The following EBF2 variants were observed in gnomAD, a reference collection of about 807,000 sequenced individuals.
EBF2 encodes the protein EBF transcription factor 2.
In EBF2, 21 loss-of-function variants were observed where a neutral mutation model predicts 72.8. That is an observed-to-expected ratio of 0.29 (90% CI 0.20 to 0.42). The LOEUF is 0.42. Among genes scored for constraint, EBF2 ranks in the 10% least tolerant of loss-of-function variants. EBF2 has a pLI of 1.00. For missense variants in EBF2, 637 were observed against 731.2 expected (o/e 0.87, Z 1.49); for synonymous variants, 299 against 274.2 (o/e 1.09, Z -0.89).
In EBF2 at chr8:25,957,549, C is replaced by T. The variant is rs542258339; in HGVS notation, c.552-48994G>A. Among the ~76,000 whole-genome samples the T allele has an allele frequency of 6.6e-4, 100 of 152,272 alleles. No individual in the cohort carries two copies. The South Asian group carries it at 0.02, about 31-fold the overall frequency. ...ATGGGTCCCTTGAGTTATTTAACTA[C>T]ATCCAAGGCTGGACAAGAAATAGAG... is the stretch of plus-strand genomic sequence containing the variant. On this transcript the variant is annotated intron_variant, in intron 6 of 15. Coordinates refer to ENST00000520164, the MANE Select transcript of EBF2 (RefSeq NM_022659.4).
intron 6 of EBF2, among the ~76,000 whole-genome samples, chr8:25,984,369 G>T (rs542512533): frequency 6.7e-6 from 1 of 148,276 alleles, no homozygotes; most frequent in African/African-American, 2.7e-5. Context: ...AAGGCACAGA[G>T]CCTGAAAAAA....
intron 5 of EBF2, among the ~76,000 whole-genome samples, chr8:26,034,855 A>T (rs534489258): frequency 9.8e-5 from 15 of 152,346 alleles, no homozygotes; most frequent in African/African-American, 3.6e-4. Flanking sequence ...TAAGTTTGAC[A>T]TGATACCTTA....
intron 6 of EBF2, among the ~76,000 whole-genome samples, chr8:26,017,933 T>C (rs909011935): frequency 6.6e-6 from 1 of 152,148 alleles, no homozygotes; most frequent in Non-Finnish European, 1.5e-5. Context: ...ATGCATGCAC[T>C]TGGCGCAGCC....
chr8:26,042,286 C>A, intron 1 of EBF2, 35 bp from the exon 2 acceptor site: 1 of 1,588,760 alleles, frequency 6.3e-7, no homozygotes, highest in Non-Finnish European at 8.6e-7. Context: ...ACACAAGACA[C>A]GGGGAAGCAC....
intron 6 of EBF2, among the ~76,000 whole-genome samples, chr8:26,004,208 A>G (rs62499122): frequency 0.23 from 34,676 of 152,106 alleles, 4,380 homozygotes; most frequent in Non-Finnish European, 0.28. Flanking sequence ...TCTTTTAAAC[A>G]ATGGCTTTTC....
chr8:25,923,616 C>G (rs149428457), intron 6 of EBF2, among the ~76,000 whole-genome samples: 143 of 152,286 alleles, frequency 9.4e-4, no homozygotes, highest in African/African-American at 3.4e-3. Flanking sequence ...AATACAAGTT[C>G]TAAACTGATC....
At chr8:25,936,480 C>A (rs1345491433) in intron 6 of EBF2, among the ~76,000 whole-genome samples, 1 of 152,068 alleles carries the variant, frequency 6.6e-6, no homozygotes, top group African/African-American at 2.4e-5. Flanking sequence ...CCATGGGAAC[C>A]CCAAATTGTA....
At chr8:25,884,058 GCTGGTTGCTCCT>G (rs889033921) in intron 10 of EBF2, among the ~76,000 whole-genome samples, 2 of 152,066 alleles carry the variant, frequency 1.3e-5, no homozygotes, top group African/African-American at 4.8e-5. Context: ...CTGTCTAGAT[GCTGGTTGCTCCT>G]CTGCTCAACA....
intron 9 of EBF2, 110 bp downstream of exon 9, chr8:25,887,732 A>T: frequency 7.7e-7 from 1 of 1,291,768 alleles, no homozygotes; most frequent in Non-Finnish European, 1.0e-6. Flanking sequence ...CCCATGCCTG[A>T]TTTACTATGA....
intron 6 of EBF2, among the ~76,000 whole-genome samples, chr8:26,016,852 G>C (rs115740329): frequency 2.0e-5 from 3 of 152,126 alleles, no homozygotes. Flanking sequence ...ACTTTTGAAG[G>C]TCAAATGAGT....
intron 6 of EBF2, among the ~76,000 whole-genome samples, chr8:25,920,769 G>T (rs10097536): frequency 0.53 from 80,741 of 151,822 alleles, 23,935 homozygotes; most frequent in East Asian, 0.74. Flanking sequence ...ATTTTGGCAG[G>T]AGGATTTTCC....
rs150716316 is a variant in EBF2, at chr8:25,993,113, C to G, written c.551+39972G>C. 1.4e-3 allele frequency among the ~76,000 whole-genome samples: 209 copies of G among 152,138 alleles called. 2 individuals carry two copies. The highest frequency in any genetic ancestry group is 4.8e-3 in the African/African-American group (198 of 41,508). On this transcript the variant is annotated intron_variant, in intron 6 of 15. Coordinates refer to ENST00000520164, the MANE Select transcript of EBF2 (RefSeq NM_022659.4). Reference sequence around the variant, plus strand: ...CACTGGGAAAGTGGAAAATCCACTCCCCTGAAAAACAGAAGATGAGGTCAT... The same window carrying G: ...CACTGGGAAAGTGGAAAATCCACTCGCCTGAAAAACAGAAGATGAGGTCAT...
In EBF2 at chr8:25,906,767, AAAACAAACAAAC is replaced by A. The variant is rs71551830; in HGVS notation, c.633+1695_633+1706del. Among the ~76,000 whole-genome samples, 22 of 149,878 alleles carry A rather than the reference AAAACAAACAAAC, an allele frequency of 1.5e-4. No individual in the cohort carries two copies. In the East Asian group the frequency reaches 3.2e-3, roughly 22 times the overall value. ...GGGTGACAGAGCGAGACTCCATCTC[AAAACAAACAAAC>A]AAACAAACAAACAAACAAAAAAAGG... On this transcript the variant is annotated intron_variant, in intron 7 of 15. Coordinates refer to ENST00000520164, the MANE Select transcript of EBF2 (RefSeq NM_022659.4).
chr8:25,912,519 G>A (rs1303922993), intron 6 of EBF2, among the ~76,000 whole-genome samples: 1 of 147,230 alleles, frequency 6.8e-6, no homozygotes. Flanking sequence ...TAAATCAGGA[G>A]AAAAAAAAAA....
chr8:25,993,432 T>A (rs555592438), intron 6 of EBF2, among the ~76,000 whole-genome samples: 20 of 152,304 alleles, frequency 1.3e-4, no homozygotes, highest in Middle Eastern at 3.4e-3. Flanking sequence ...AGGAAAGATG[T>A]TCATAGCAAC....
chr8:25,953,967 G>T (rs906885428), intron 6 of EBF2, among the ~76,000 whole-genome samples: 3 of 152,132 alleles, frequency 2.0e-5, no homozygotes, highest in African/African-American at 4.8e-5. Context: ...ACCTGTTAAA[G>T]GTTGGGCTTT....
intron 6 of EBF2, among the ~76,000 whole-genome samples, chr8:25,968,864 C>A (rs1390422069): frequency 6.6e-6 from 1 of 152,134 alleles, no homozygotes; most frequent in East Asian, 1.9e-4. Context: ...CGCAGAGTGT[C>A]AGTTTTCTAA....
chr8:25,921,813 C>T (rs1276444075), intron 6 of EBF2, among the ~76,000 whole-genome samples: 1 of 152,154 alleles, frequency 6.6e-6, no homozygotes. Flanking sequence ...TAAAAAATTG[C>T]TCCTCAAACG....
At chr8:25,861,521 T>G (rs2117262660) in intron 11 of EBF2, 147 bp from the exon 12 acceptor site, 1 of 754,434 alleles carries the variant, frequency 1.3e-6, no homozygotes, top group East Asian at 2.7e-5. Context: ...GTTTGACAGG[T>G]AGAATACAAT....
Sources: allele counts gnomAD v4.1 joint callset (sites outside exome capture counted in the v4.1 genomes callset), GRCh38; gene constraint gnomAD v4.1.1; transcripts MANE v1.5; gene names NCBI Gene and HGNC (gene_info 2026-07-23, HGNC 2026-07-21).